The following DLG2 variants were observed in gnomAD, a reference collection of about 807,000 sequenced individuals.
DLG2 encodes discs large MAGUK scaffold protein 2.
A neutral mutation model predicts 132.5 loss-of-function variants in DLG2; 45 were observed. The ratio of observed to expected loss-of-function variants is 0.34; its 90% CI spans 0.27 to 0.44. DLG2 has a LOEUF of 0.44. Ranked by LOEUF, DLG2 falls within the 20% of genes least tolerant of loss-of-function variation. The pLI is 1.00. For synonymous variants in DLG2, 424 were observed against 419.6 expected (o/e 1.01, Z -0.13); for missense variants, 1,045 against 1,196.9 (o/e 0.87, Z 1.87).
intron 21 of DLG2, among the ~76,000 whole-genome samples, chr11:83,498,062 A>C (rs1350147170): frequency 6.6e-6 from 1 of 152,120 alleles, no homozygotes; most frequent in Non-Finnish European, 1.5e-5. Flanking sequence ...AAAAAAATGT[A>C]TCCTGTTTAA....
At chr11:84,523,338 CTA>C (rs2099310291) in intron 7 of DLG2, among the ~76,000 whole-genome samples, 1 of 152,086 alleles carries the variant, frequency 6.6e-6, no homozygotes, top group African/African-American at 2.4e-5. Context: ...AATAGATTTA[CTA>C]ATAGACACAG....
chr11:83,644,053 G>C (rs1362487569), intron 18 of DLG2, among the ~76,000 whole-genome samples: 1 of 152,094 alleles, frequency 6.6e-6, no homozygotes, highest in Non-Finnish European at 1.5e-5. Context: ...AAAAGGCTTT[G>C]TTTGAGTTCC....
At chr11:84,798,333 T>A (rs1598371370) in intron 6 of DLG2, among the ~76,000 whole-genome samples, 1 of 151,966 alleles carries the variant, frequency 6.6e-6, no homozygotes, top group African/African-American at 2.4e-5. Context: ...AAAAAAACCA[T>A]CAAAATTTTC....
chr11:84,978,395 C>T (rs550784399), intron 6 of DLG2, among the ~76,000 whole-genome samples: 1 of 152,282 alleles, frequency 6.6e-6, no homozygotes, highest in Admixed American at 6.5e-5. Flanking sequence ...ATCACGCTAC[C>T]TGACTTCAAA....
chr11:84,943,179 T>C (rs2049712171), intron 6 of DLG2, among the ~76,000 whole-genome samples: 1 of 151,332 alleles, frequency 6.6e-6, no homozygotes, highest in African/African-American at 2.4e-5. Flanking sequence ...TGTGTGTGTG[T>C]GTGTGTGTGT....
chr11:85,267,855 C>T (rs967157182), intron 4 of DLG2, among the ~76,000 whole-genome samples: 24 of 151,030 alleles, frequency 1.6e-4, no homozygotes, highest in African/African-American at 5.1e-4. Context: ...CCCCACACAA[C>T]GATCTCAGAC....
intron 8 of DLG2, among the ~76,000 whole-genome samples, chr11:84,246,876 AT>A (rs993452753): frequency 2.0e-5 from 3 of 151,344 alleles, no homozygotes; most frequent in East Asian, 3.9e-4. Context: ...ATTGCCGCTG[AT>A]TTTTTTTTGG....
intron 6 of DLG2, among the ~76,000 whole-genome samples, chr11:84,754,601 T>C (rs1219717466): frequency 1.3e-5 from 2 of 152,106 alleles, no homozygotes; most frequent in East Asian, 1.9e-4. Context: ...ACCACGGAGA[T>C]AGCAAAAAGA....
At chr11:85,313,307 A>G (rs1479070298) in intron 3 of DLG2, among the ~76,000 whole-genome samples, 1 of 152,018 alleles carries the variant, frequency 6.6e-6, no homozygotes, top group Non-Finnish European at 1.5e-5. Flanking sequence ...AAGTTCTTGA[A>G]TTAATGCTAA....
intron 7 of DLG2, among the ~76,000 whole-genome samples, chr11:84,402,499 A>G (rs897983407): frequency 5.9e-5 from 9 of 151,994 alleles, no homozygotes; most frequent in African/African-American, 1.9e-4. Context: ...GGCTTTTTCC[A>G]CTACTGGCAC....
chr11:83,460,968 A>G (rs2089817671), intron 27 of DLG2, among the ~76,000 whole-genome samples: 1 of 150,740 alleles, frequency 6.6e-6, no homozygotes, highest in Admixed American at 6.6e-5. Context: ...ATCTAACTTC[A>G]CATATGGTAA....
intron 7 of DLG2, among the ~76,000 whole-genome samples, chr11:84,336,882 C>T (rs1367242140): frequency 6.6e-6 from 1 of 152,184 alleles, no homozygotes; most frequent in African/African-American, 2.4e-5. Flanking sequence ...CTCTTATCCT[C>T]ATACCTATCA....
chr11:85,506,694 T>C (rs1565604521), intron 3 of DLG2, among the ~76,000 whole-genome samples: 2 of 152,186 alleles, frequency 1.3e-5, no homozygotes, highest in Admixed American at 6.5e-5. Context: ...GTATATTCTG[T>C]TGATTTGGGG....
intron 6 of DLG2, among the ~76,000 whole-genome samples, chr11:84,732,193 A>G (rs567911224): frequency 6.6e-6 from 1 of 152,200 alleles, no homozygotes; most frequent in East Asian, 1.9e-4. Context: ...GTTGATGAAC[A>G]CTTGAGTCAC....
chr11:83,587,305 C>G (rs1205004927), intron 19 of DLG2, among the ~76,000 whole-genome samples: 1 of 151,260 alleles, frequency 6.6e-6, no homozygotes, highest in Non-Finnish European at 1.5e-5. Flanking sequence ...GGGTCTTGCT[C>G]TGTCACACAG....
At chr11:85,441,342 G>T (rs1335111528) in intron 3 of DLG2, among the ~76,000 whole-genome samples, 1 of 152,078 alleles carries the variant, frequency 6.6e-6, no homozygotes, top group African/African-American at 2.4e-5. Context: ...TCAACCAGAA[G>T]TTAACTCCTC....
intron 3 of DLG2, chr11:85,469,612 T>C (rs2092918391): frequency 6.6e-6 from 1 of 152,246 alleles, no homozygotes; most frequent in Non-Finnish European, 1.5e-5. Context: ...CATCCTTCAG[T>C]TAAAGGAACA....
intron 7 of DLG2, among the ~76,000 whole-genome samples, chr11:84,257,183 G>GGTTGGGGGA (rs2097486531): frequency 6.6e-6 from 1 of 152,116 alleles, no homozygotes; most frequent in African/African-American, 2.4e-5. Flanking sequence ...AATGTGGCAT[G>GGTTGGGGGA]GTTGGGGGAG....
rs756463734 is a variant in DLG2 at position 85,111,700 on chromosome 11, T to G, written c.318A>C (p.Ser106=). ...NQGRCPAQNC[S]VEAPAWMPVH... is the part of the protein sequence containing the mutation. ...CAGGCATCCAAGCAGGGGCTTCCAC[T>G]GAACAATTCTGGGCTGGGCATCTGC... The change falls in exon 6 of 28, where the codon TCA becomes TCC. Residue 106 remains serine, a synonymous_variant. Coordinates refer to ENST00000376104, the MANE Select transcript of DLG2 (RefSeq NM_001142699.3). 3.2e-6 allele frequency: 5 copies of G among 1,564,094 alleles called. No individual in the cohort carries two copies. The highest frequency in any genetic ancestry group is 4.3e-6 in the Non-Finnish European group (5 of 1,153,504).
Sources: allele counts gnomAD v4.1 joint callset (sites outside exome capture counted in the v4.1 genomes callset), GRCh38; gene constraint gnomAD v4.1.1; transcripts MANE v1.5; gene names NCBI Gene and HGNC (gene_info 2026-07-23, HGNC 2026-07-21).